CERT1: variants seen among roughly 807,000 people sequenced by gnomAD.
CERT1 encodes ceramide transporter 1, also known as ceramide transfer protein.
Under a neutral mutation model 87.9 loss-of-function variants are expected in CERT1, and 31 were observed. That is an observed-to-expected ratio of 0.35 (90% confidence interval 0.27 to 0.48). The LOEUF is 0.48. CERT1 is among the 20% of genes least tolerant of loss of function. The probability of loss-of-function intolerance (pLI) is 0.99; values close to 1 mark genes in which losing one functional copy is unlikely to be tolerated. For missense variants in CERT1, 487 were observed against 758.0 expected (o/e 0.64, Z 4.20); for synonymous variants, 289 against 250.9 (o/e 1.15, Z -1.44).
intron 3 of CERT1, among the ~76,000 whole-genome samples, chr5:75,433,709 T>TG (rs1308813186): frequency 6.6e-6 from 1 of 152,056 alleles, no homozygotes; most frequent in Non-Finnish European, 1.5e-5. Flanking sequence ...GTTGTAGAGA[T>TG]GGGGTCTCAC....
intron 3 of CERT1, among the ~76,000 whole-genome samples, chr5:75,436,776 T>C (rs553338209): frequency 8.5e-5 from 13 of 152,234 alleles, no homozygotes; most frequent in Non-Finnish European, 1.5e-4. Context: ...TGAATATATA[T>C]GTTTTTTCTT....
intron 2 of CERT1, among the ~76,000 whole-genome samples, chr5:75,468,883 T>C (rs569176947): frequency 2.0e-5 from 3 of 152,256 alleles, no homozygotes; most frequent in Non-Finnish European, 2.9e-5. Flanking sequence ...CATGCGGATA[T>C]AGATGCACAA....
upstream of CERT1, chr5:75,511,705 C>A: frequency 1.3e-6 from 2 of 1,544,468 alleles, no homozygotes; most frequent in Admixed American, 2.0e-5. Context: ...CCGTCCCCCT[C>A]CCGGCGTCTG....
intron 9 of CERT1, 110 bp downstream of exon 9, chr5:75,402,862 G>T: frequency 1.6e-6 from 1 of 644,778 alleles, no homozygotes; most frequent in Non-Finnish European, 2.8e-6. Context: ...AAGCTTCTAG[G>T]TTATTAAGTT....
chr5:75,505,803 C>T, intron 2 of CERT1, 179 bp downstream of exon 2: 1 of 438,132 alleles, frequency 2.3e-6, no homozygotes, highest in Non-Finnish European at 4.0e-6. Context: ...TGCAAAATAA[C>T]AATATGTAGT....
At chr5:75,450,845 A>C (rs1764741689) in intron 3 of CERT1, among the ~76,000 whole-genome samples, 1 of 152,152 alleles carries the variant, frequency 6.6e-6, no homozygotes, top group South Asian at 2.1e-4. Context: ...TGTATGCCTC[A>C]CATGTATTGT....
At chr5:75,482,727 G>C (rs968420286) in intron 2 of CERT1, among the ~76,000 whole-genome samples, 15 of 152,116 alleles carry the variant, frequency 9.9e-5, no homozygotes, top group African/African-American at 3.6e-4. Flanking sequence ...AAGAGTTTCC[G>C]CCTGGTAATC....
At chr5:75,406,596 A>G (rs1244950586) in intron 8 of CERT1, among the ~76,000 whole-genome samples, 1 of 149,580 alleles carries the variant, frequency 6.7e-6, no homozygotes, top group African/African-American at 2.5e-5. Context: ...GCTGGAGTGC[A>G]GTAGCGAGGT....
At chr5:75,437,784 A>G (rs1180040054) in intron 3 of CERT1, among the ~76,000 whole-genome samples, 2 of 151,110 alleles carry the variant, frequency 1.3e-5, no homozygotes, top group Admixed American at 6.6e-5. Flanking sequence ...AAAAAAAAAA[A>G]AAGAAAAAAG....
intron 5 of CERT1, among the ~76,000 whole-genome samples, chr5:75,422,090 A>G (rs1384560435): frequency 2.0e-5 from 3 of 152,206 alleles, no homozygotes; most frequent in Non-Finnish European, 2.9e-5. Flanking sequence ...TTTAAAGAAC[A>G]AAACGTTAAT....
chr5:75,456,198 G>A (rs576096208), intron 3 of CERT1, among the ~76,000 whole-genome samples: 1 of 152,188 alleles, frequency 6.6e-6, no homozygotes, highest in South Asian at 2.1e-4. Context: ...CTTCTTACAT[G>A]TTAAATAACT....
chr5:75,470,344 A>G (rs1765651720), intron 2 of CERT1, among the ~76,000 whole-genome samples: 1 of 152,232 alleles, frequency 6.6e-6, no homozygotes, highest in Admixed American at 6.5e-5. Context: ...CATATAGAGT[A>G]TCTTTTCTGA....
rs1761420699 is a variant in CERT1, at chr5:75,378,561, G to C, written c.*785C>G. On this transcript the variant is annotated 3_prime_UTR_variant, in exon 17 of 17. Transcript: ENST00000643780. ...TAAATTCTGCAACATGCATGTAACA[G>C]ATGTTAAAAGAATGAGATGTTTTAC... 6.6e-6 allele frequency: 1 copy of C among 152,132 alleles called. No homozygotes were observed. Among genetic ancestry groups the C allele is most frequent in the Non-Finnish European group, 1.5e-5 (1 of 68,034 alleles). 9.4% of individuals were successfully genotyped at this position (152,132 alleles called of 1,614,324 possible). A position where few individuals can be genotyped will look rare whatever the true frequency, so the allele number is the denominator to read the frequency against.
intron 2 of CERT1, among the ~76,000 whole-genome samples, chr5:75,470,309 T>C (rs927037488): frequency 6.6e-6 from 1 of 152,174 alleles, no homozygotes; most frequent in Non-Finnish European, 1.5e-5. Flanking sequence ...AAAACAAATC[T>C]TAACAAATTT....
intron 8 of CERT1, chr5:75,410,742 T>A (rs185361967): frequency 4.4e-6 from 1 of 226,092 alleles, no homozygotes; most frequent in Non-Finnish European, 8.5e-6. Flanking sequence ...AAAATGATCA[T>A]CTTTACAGGG....
rs1163232646 is a variant in CERT1 at position 75,381,956 on chromosome 5, C to G, written c.1610G>C (p.Ser537Thr). 46 of 1,612,552 alleles carry G rather than the reference C, an allele frequency of 2.9e-5. No individual in the cohort carries two copies. The highest frequency in any genetic ancestry group is 3.9e-5 in the Non-Finnish European group (46 of 1,179,244). Reference sequence around the variant, plus strand: ...TTATATACATGTACTTACAGGAGCACTGTCATGATCCACAGAAAAATTACA... The same window carrying G: ...TTATATACATGTACTTACAGGAGCAGTGTCATGATCCACAGAAAAATTACA... ...IVCNFSVDHD[S>T]APLNNRCVRA... is the part of the protein sequence containing the mutation. The change falls in exon 15 of 17, where the codon AGT becomes ACT. Residue 537 changes from serine to threonine, a missense_variant. Ser to Thr is a moderately conservative substitution (Grantham distance 58). Coordinates refer to ENST00000643780, the MANE Select transcript of CERT1 (RefSeq NM_001379029.1).
chr5:75,445,798 C>G (rs972097339), intron 3 of CERT1, among the ~76,000 whole-genome samples: 1 of 152,152 alleles, frequency 6.6e-6, no homozygotes, highest in Admixed American at 6.5e-5. Flanking sequence ...CCTGGCTCCA[C>G]AAATATAGGC....
At chr5:75,487,594 C>T (rs1390172821) in intron 2 of CERT1, among the ~76,000 whole-genome samples, 1 of 151,888 alleles carries the variant, frequency 6.6e-6, no homozygotes, top group Non-Finnish European at 1.5e-5. Flanking sequence ...GATTAATAAC[C>T]AGAATATACA....
chr5:75,432,570 CTTGAT>C (rs760084790), intron 3 of CERT1, among the ~76,000 whole-genome samples: 4 of 152,116 alleles, frequency 2.6e-5, no homozygotes, highest in Admixed American at 6.5e-5. Flanking sequence ...TTAGGTTTTG[CTTGAT>C]TTAAGTTCCT....
Sources: gnomAD v4.1 joint callset for allele counts (sites outside exome capture counted in the v4.1 genomes callset) on GRCh38, gnomAD v4.1.1 for gene constraint, MANE v1.5 for transcripts, NCBI Gene and HGNC (gene_info 2026-07-23, HGNC 2026-07-21) for gene names.